MBNL2: variants seen among roughly 807,000 people sequenced by gnomAD.
MBNL2 encodes muscleblind-like protein 2.
A neutral mutation model predicts 41.9 loss-of-function variants in MBNL2; 17 were observed. That is an observed-to-expected ratio of 0.41 (90% CI 0.28 to 0.61). The LOEUF is 0.61. Ranked by LOEUF, MBNL2 falls within the 20% of genes least tolerant of loss-of-function variation. MBNL2 has a pLI of 0.35. For synonymous variants in MBNL2, 195 were observed against 182.9 expected, an observed-to-expected ratio of 1.07 and a Z score of -0.53; for missense variants, 336 against 505.6, an observed-to-expected ratio of 0.66 and a Z score of 3.22.
At chr13:97,256,888 A>C (rs546992895) in intron 1 of MBNL2, among the ~76,000 whole-genome samples, 7 of 152,340 alleles carry the variant, frequency 4.6e-5, no homozygotes, top group East Asian at 1.9e-4. Flanking sequence ...ATTACCACCA[A>C]CAAGACACAT....
At chr13:97,370,542 G>C (rs1406860160) in intron 8 of MBNL2, among the ~76,000 whole-genome samples, 1 of 151,960 alleles carries the variant, frequency 6.6e-6, no homozygotes, top group Non-Finnish European at 1.5e-5. Context: ...GGTGGCGCAT[G>C]CCTGTAATCC....
At chr13:97,229,074 T>G (rs944197820) in intron 1 of MBNL2, among the ~76,000 whole-genome samples, 1 of 150,792 alleles carries the variant, frequency 6.6e-6, no homozygotes, top group East Asian at 1.9e-4. Flanking sequence ...CCAAGCAATT[T>G]TGAGAAGACA....
rs79203965 is a variant in MBNL2 at position 97,262,251 on chromosome 13, A to G, written c.-604-13381A>G. On this transcript the variant is annotated intron_variant, in intron 1 of 8. Coordinates refer to ENST00000679496, the MANE Select transcript of MBNL2 (RefSeq NM_001382683.1). The stretch of plus-strand genomic sequence containing the variant: ...CCAGGCACTGAGTGCCTCCTTCCCC[A>G]GCTCCAACAGCGTCATGTCACAGAA... 8.9e-3 allele frequency among the ~76,000 whole-genome samples: 1,352 copies of G among 152,202 alleles called. 12 individuals are homozygous for G. The highest frequency in any genetic ancestry group is 0.013 in the Non-Finnish European group (883 of 68,000).
intron 2 of MBNL2, among the ~76,000 whole-genome samples, chr13:97,281,078 C>T (rs1314864905): frequency 6.6e-6 from 1 of 152,200 alleles, no homozygotes; most frequent in Non-Finnish European, 1.5e-5. Flanking sequence ...TGTGATCACT[C>T]TTGTATTCCT....
rs750274563 is a variant in MBNL2 at position 97,357,462 on chromosome 13, A to G, written c.859-20A>G. 5 of 1,610,596 alleles carry G rather than the reference A, an allele frequency of 3.1e-6. No individual in the cohort carries two copies. The South Asian group carries it at 5.5e-5, about 18-fold the overall frequency. On this transcript the variant is annotated intron_variant, in intron 6 of 8. Transcript: ENST00000679496. ...GTTTGCTTTAAGTTAGACATATCTT[A>G]TCGAATTCTTCATTTCTAGGCCTTT... is the stretch of plus-strand genomic sequence containing the variant.
the MBNL2 span, among the ~76,000 whole-genome samples, chr13:97,206,175 G>C: frequency 5.3e-4 from 80 of 152,230 alleles, 4 homozygotes; most frequent in South Asian, 0.013. Context: ...ATTTGACCCA[G>C]CAAAATTTAC....
intron 2 of MBNL2, among the ~76,000 whole-genome samples, chr13:97,302,669 A>G (rs764861473): frequency 5.9e-5 from 9 of 152,176 alleles, no homozygotes; most frequent in Non-Finnish European, 1.2e-4. Flanking sequence ...TTTCAATCCA[A>G]ACACAATGGG....
chr13:97,276,364 T>C lies in MBNL2; in HGVS notation c.129T>C (p.Cys43=), dbSNP rs770208186. ...ECKFAHPPKS[C]QVENGRVIAC... is the part of the protein sequence containing the mutation. ...AATTTGCTCATCCCCCCAAAAGTTG[T>C]CAGGTTGAAAATGGAAGAGTAATTG... is the stretch of plus-strand genomic sequence containing the variant. The change falls in exon 2 of 9, where the codon TGT becomes TGC. Residue 43 remains cysteine (C), a synonymous_variant. Transcript: ENST00000679496. The C allele has an allele frequency of 6.2e-7, 1 of 1,614,076 alleles. No individual in the cohort carries two copies. The highest frequency in any genetic ancestry group is 8.5e-7 in the Non-Finnish European group (1 of 1,179,966).
At chr13:97,219,581 G>T (rs1170233404), upstream of MBNL2, among the ~76,000 whole-genome samples, 1 of 152,178 alleles carries the variant, frequency 6.6e-6, no homozygotes. Flanking sequence ...ACATGGTAAA[G>T]GGAGAGAGAA....
At chr13:97,168,949 G>A in the MBNL2 span, among the ~76,000 whole-genome samples, 3 of 152,140 alleles carry the variant, frequency 2.0e-5, no homozygotes, top group Non-Finnish European at 2.9e-5. Context: ...CTGAAATTTA[G>A]ACAGGTTACA....
intron 1 of MBNL2, among the ~76,000 whole-genome samples, chr13:97,248,287 AATTTTTGT>A (rs2045875705): frequency 1.3e-5 from 2 of 152,154 alleles, no homozygotes; most frequent in Admixed American, 6.5e-5. Context: ...ACAACCAGTT[AATTTTTGT>A]ATTTTTGTAT....
rs1165108138 is a variant in MBNL2, at chr13:97,268,289, A to G, written c.-604-7343A>G. On this transcript the variant is annotated intron_variant, in intron 1 of 8. Transcript: ENST00000679496. This position sits in a 1 kb window ranked among gnomAD's most constrained non-coding sequence, Gnocchi z 4.6. ...AAATTTTTTTCTATTTTTTGTAGAC[A>G]TGGGGTTTCACCATGCTTTCCAGGC... is the stretch of plus-strand genomic sequence containing the variant. Among the ~76,000 whole-genome samples, 1 of 152,102 alleles carries G rather than the reference A, an allele frequency of 6.6e-6. No homozygotes were observed. The highest frequency in any genetic ancestry group is 2.4e-5 in the African/African-American group (1 of 41,422).
chr13:97,330,739 C>T (rs2060364450), intron 2 of MBNL2, among the ~76,000 whole-genome samples: 1 of 152,128 alleles, frequency 6.6e-6, no homozygotes. Flanking sequence ...AATCTTATGC[C>T]TTAACAAAAA....
At chr13:97,292,865 T>A (rs2152981719) in intron 2 of MBNL2, among the ~76,000 whole-genome samples, 1 of 152,234 alleles carries the variant, frequency 6.6e-6, no homozygotes. Context: ...TTTTATCACT[T>A]AAAATTATTT....
the MBNL2 span, among the ~76,000 whole-genome samples, chr13:97,158,390 T>A: frequency 3.5e-4 from 53 of 152,278 alleles, no homozygotes; most frequent in African/African-American, 1.3e-3. Context: ...TGTGTCTCTA[T>A]TTCCTTCAGT....
At chr13:97,230,790 T>C (rs1172770279) in intron 1 of MBNL2, among the ~76,000 whole-genome samples, 1 of 152,222 alleles carries the variant, frequency 6.6e-6, no homozygotes, top group African/African-American at 2.4e-5. Context: ...TAGCTTTTCC[T>C]CTCTGGCAAG....
chr13:97,276,877 C>A (rs58067928), intron 2 of MBNL2, among the ~76,000 whole-genome samples: 2,969 of 151,406 alleles, frequency 0.02, 111 homozygotes, highest in African/African-American at 0.068. Context: ...TGTGTCATGG[C>A]TAACAGAAAT....
rs780780374 is a variant in MBNL2 at position 97,365,150 on chromosome 13, A to G, written c.1027A>G (p.Met343Val). 2 of 1,608,764 alleles carry G rather than the reference A, an allele frequency of 1.2e-6. No individual in the cohort carries two copies. The highest frequency in any genetic ancestry group is 1.7e-5 in the Admixed American group (1 of 60,010). Residue 343 changes from methionine to valine, a missense_variant, in exon 8 of 9, where the codon ATG (methionine) becomes GTG (valine). Transcript: ENST00000679496. ...CATGACATCAGGGTCAGTTTTGTGC[A>G]TGACACCCGCTACCAGTATTGGTAG... ...AFIPTGSVLC[M>V]TPATSIDNSE...
At chr13:97,296,546 G>A (rs1419310076) in intron 2 of MBNL2, among the ~76,000 whole-genome samples, 6 of 152,202 alleles carry the variant, frequency 3.9e-5, no homozygotes, top group African/African-American at 1.4e-4. Context: ...ACATTAATAT[G>A]CTACAGAATT....
Sources: allele counts gnomAD v4.1 joint callset (sites outside exome capture counted in the v4.1 genomes callset), GRCh38; gene constraint gnomAD v4.1.1; non-coding constraint Gnocchi (gnomAD v3.1); transcripts MANE v1.5; gene names NCBI Gene and HGNC (gene_info 2026-07-23, HGNC 2026-07-21).